EXOC3: variants seen among roughly 807,000 people sequenced by gnomAD.
EXOC3 encodes exocyst complex component 3, also known as SEC6-like 1.
A neutral mutation model predicts 73.7 loss-of-function variants in EXOC3; 21 were observed. The observed-to-expected ratio is 0.29, with a 90% CI of 0.20 to 0.41. EXOC3 has a LOEUF of 0.41. Among genes scored for constraint, EXOC3 ranks in the 10% least tolerant of loss-of-function variants. EXOC3 has a pLI of 1.00. For synonymous variants in EXOC3, 410 were observed against 389.1 expected (o/e 1.05, Z -0.63); for missense variants, 842 against 985.1 (o/e 0.85, Z 1.95).
chr5:446,475 GAGC>G, intron 2 of EXOC3, 126 bp downstream of exon 2: 1 of 866,530 alleles, frequency 1.2e-6, no homozygotes, highest in Non-Finnish European at 1.7e-6. Flanking sequence ...GGACTTTCTT[GAGC>G]AGTTACTTTC....
chr5:447,706 C>T lies in EXOC3; in HGVS notation c.318C>T (p.His106=), dbSNP rs1223235174. 17 of 1,587,468 alleles carry T rather than the reference C, an allele frequency of 1.1e-5. No individual in the cohort carries two copies. Among genetic ancestry groups the T allele is most frequent in the Non-Finnish European group, 1.3e-5 (15 of 1,165,754 alleles). ...ACGTCAAAGACGCCGTGGTGCAGCACAGCCAGCTCGCCGCAGCCGTGGAGA... is the reference window on the plus strand; with the variant it reads ...ACGTCAAAGACGCCGTGGTGCAGCATAGCCAGCTCGCCGCAGCCGTGGAGA... ...LKDVKDAVVQ[H]SQLAAAVENL... is the part of the protein sequence containing the mutation. The change falls in exon 3 of 13, where the codon CAC becomes CAT. Residue 106 remains histidine, a synonymous_variant. Transcript: ENST00000512944.
intron 3 of EXOC3, among the ~76,000 whole-genome samples, chr5:452,732 T>C (rs1295354719): frequency 6.6e-6 from 1 of 152,266 alleles, no homozygotes; most frequent in African/African-American, 2.4e-5. Flanking sequence ...AACTTCAAGG[T>C]CGTGTCAAGT....
At chr5:445,128 A>G (rs1737467791) in intron 1 of EXOC3, 1 of 152,232 alleles carries the variant, frequency 6.6e-6, no homozygotes, top group Admixed American at 6.5e-5. Flanking sequence ...GAACAGGTGT[A>G]TCGGATTCCC....
In EXOC3 at chr5:451,267, A is replaced by T. The variant is rs557542087; in HGVS notation, c.365-2103A>T. On this transcript the variant is annotated intron_variant, in intron 3 of 12. Coordinates refer to ENST00000512944, the MANE Select transcript of EXOC3 (RefSeq NM_007277.5). ...TTAACATCTAACATTATCTCGCTTC[A>T]GTTTGAATTTATATCAACTTAACTT... 1.4e-4 allele frequency among the ~76,000 whole-genome samples: 22 copies of T among 152,354 alleles called. 1 individual carries two copies. The South Asian group carries it at 4.6e-3, about 32-fold the overall frequency.
intron 3 of EXOC3, among the ~76,000 whole-genome samples, chr5:452,155 C>T (rs1338410789): frequency 1.3e-5 from 2 of 152,200 alleles, no homozygotes; most frequent in African/African-American, 2.4e-5. Flanking sequence ...AAAAGTCCCA[C>T]TAAGCATATG....
intron 1 of EXOC3, among the ~76,000 whole-genome samples, chr5:445,516 AT>A (rs1328191031): frequency 6.6e-6 from 1 of 151,812 alleles, no homozygotes; most frequent in Non-Finnish European, 1.5e-5. Context: ...TGCCCAGCTA[AT>A]TTTTTTGTGT....
intron 4 of EXOC3, 123 bp from the exon 5 acceptor site, chr5:456,766 T>C: frequency 2.6e-6 from 2 of 762,252 alleles, no homozygotes; most frequent in Non-Finnish European, 2.3e-6. Context: ...GTGGGCCGGC[T>C]GTGACCAGGA....
At chr5:465,017 G>A in intron 10 of EXOC3, 94 bp from the exon 11 acceptor site, 1 of 1,341,236 alleles carries the variant, frequency 7.5e-7, no homozygotes, top group Middle Eastern at 2.6e-4. Flanking sequence ...AGAGCCTCCG[G>A]GGAGCCACCG....
chr5:446,401 C>T (rs1341047920), intron 2 of EXOC3, 52 bp downstream of exon 2: 1 of 1,488,158 alleles, frequency 6.7e-7, no homozygotes, highest in Non-Finnish European at 9.0e-7. Context: ...CAGGTTCTTG[C>T]TTGACATCAC....
At chr5:447,488 A>G (rs1737539606) in intron 2 of EXOC3, 45 bp from the exon 3 acceptor site, 1 of 1,394,450 alleles carries the variant, frequency 7.2e-7, no homozygotes, top group South Asian at 1.4e-5. Flanking sequence ...GAGGCAGCGC[A>G]TGGCTATCAT....
At position 466,906 on chromosome 5, in the gene EXOC3, C is replaced by T. The variant is rs768635215; in HGVS notation, c.*8C>T. ...GCCAAGCTGCTCAAGTAGCCTCCGC[C>T]GGCCTGCCCTGCTCGCCCCTCCACA... On this transcript the variant is annotated 3_prime_UTR_variant, in exon 13 of 13. Transcript: ENST00000512944. 1.8e-5 allele frequency: 28 copies of T among 1,591,346 alleles called. No homozygotes were observed. The highest frequency in any genetic ancestry group is 4.5e-5 in the South Asian group (4 of 88,046).
intron 12 of EXOC3, 26 bp from the exon 13 acceptor site, chr5:466,701 A>C: frequency 6.2e-7 from 1 of 1,601,556 alleles, no homozygotes; most frequent in Non-Finnish European, 8.5e-7. Context: ...CTAAGTGGGC[A>C]TGGGCTGACA....
intron 12 of EXOC3, 178 bp downstream of exon 12, chr5:466,023 C>A: frequency 1.6e-6 from 1 of 611,708 alleles, no homozygotes; most frequent in Non-Finnish European, 2.8e-6. Context: ...TTCTGTGCTG[C>A]CTTCCACCTG....
chr5:465,211 G>A lies in EXOC3; in HGVS notation c.1877G>A (p.Gly626Asp), dbSNP rs768980216. Residue 626 changes from glycine (G) to aspartate (D), a missense_variant, in exon 11 of 13, where the codon GGT becomes GAT. Physicochemically the swap from Gly to Asp is moderately conservative, Grantham distance 94 (BLOSUM62 -1). Coordinates refer to ENST00000512944, the MANE Select transcript of EXOC3 (RefSeq NM_007277.5). The part of the protein sequence containing the change: ...SFRSPEERKE[G>D]AEKMVREAEQ... The stretch of plus-strand genomic sequence containing the variant: ...CGGAGCCCGGAGGAGCGCAAGGAGG[G>A]TGCCGAGAAGATGGTTAGGGAGGCA... 6.3e-7 allele frequency: 1 copy of A among 1,593,898 alleles called. No individual in the cohort carries two copies. The highest frequency in any genetic ancestry group is 1.3e-5 in the African/African-American group (1 of 74,628).
Position 466,721 on chromosome 5 carries a change from C to T in EXOC3, c.2067-6C>T, listed in dbSNP as rs1560942054. The T allele has an allele frequency of 3.7e-6, 6 of 1,610,398 alleles. No individual in the cohort carries two copies. Among genetic ancestry groups the T allele is most frequent in the Non-Finnish European group, 4.2e-6 (5 of 1,178,206 alleles). ...TGGGCATGGGCTGACATCTCCCCAT[C>T]CCCAGGGATGACCACATCGGTGCGC... On this transcript the variant is annotated splice_polypyrimidine_tract_variant and splice_region_variant and intron_variant, in intron 12 of 12. Coordinates refer to ENST00000512944, the MANE Select transcript of EXOC3 (RefSeq NM_007277.5).
intron 2 of EXOC3, chr5:447,273 C>A: frequency 2.4e-6 from 1 of 409,680 alleles, no homozygotes; most frequent in Non-Finnish European, 4.4e-6. Flanking sequence ...AGGTGTGAGG[C>A]TAGATGAGGA....
chr5:458,933 C>G (rs1016132360), intron 6 of EXOC3, among the ~76,000 whole-genome samples: 27 of 152,240 alleles, frequency 1.8e-4, no homozygotes, highest in African/African-American at 6.3e-4. Context: ...CTTCCTCTGC[C>G]TGGGTCAGCT....
At position 447,612 on chromosome 5, in the gene EXOC3, T is replaced by C; in HGVS notation, c.224T>C (p.Ile75Thr). 1 of 1,587,130 alleles carries C rather than the reference T, an allele frequency of 6.3e-7. No individual in the cohort carries two copies. The highest frequency in any genetic ancestry group is 8.6e-7 in the Non-Finnish European group (1 of 1,166,684). Residue 75 changes from isoleucine (I) to threonine (T), a missense_variant, in exon 3 of 13, where the codon ATC (isoleucine) becomes ACC (threonine). By Grantham distance (89) the Ile-to-Thr change is moderately conservative (BLOSUM62 -1). Coordinates refer to ENST00000512944, the MANE Select transcript of EXOC3 (RefSeq NM_007277.5). ...LHNALNDVKD[I>T]QQSLADVSKD... ...AACGCCCTGAATGACGTCAAAGACA[T>C]CCAGCAGTCGCTGGCAGACGTCAGC...
In EXOC3 at chr5:446,230, G is replaced by C. The variant is rs772714763; in HGVS notation, c.25G>C (p.Val9Leu). 1 of 1,613,994 alleles carries C rather than the reference G, an allele frequency of 6.2e-7. No homozygotes were observed. Among genetic ancestry groups the C allele is most frequent in the East Asian group, 2.2e-5 (1 of 44,880 alleles). The part of the protein sequence containing the change: MKETDREA[V>L]ATAVQRVAGM... ...CATGAAGGAGACAGACCGGGAGGCCGTTGCGACAGCAGTGCAAAGGGTTGC... is the reference window on the plus strand; with the variant it reads ...CATGAAGGAGACAGACCGGGAGGCCCTTGCGACAGCAGTGCAAAGGGTTGC... The change falls in exon 2 of 13, where the codon GTT becomes CTT. Residue 9 changes from valine (V) to leucine (L), a missense_variant. Physicochemically the swap from Val to Leu is conservative, Grantham distance 32. Coordinates refer to ENST00000512944, the MANE Select transcript of EXOC3 (RefSeq NM_007277.5).
Sources: allele counts gnomAD v4.1 joint callset (sites outside exome capture counted in the v4.1 genomes callset), GRCh38; gene constraint gnomAD v4.1.1; transcripts MANE v1.5; gene names NCBI Gene and HGNC (gene_info 2026-07-23, HGNC 2026-07-21).